TBC1D5: variants seen among roughly 807,000 people sequenced by gnomAD.
TBC1D5 encodes the protein TBC1 domain family member 5.
In TBC1D5, 75 loss-of-function variants were observed where a neutral mutation model predicts 100.3. That is an observed-to-expected ratio of 0.75 (90% CI 0.62 to 0.91). The LOEUF (loss-of-function observed/expected upper bound fraction) is 0.91. Among genes scored for constraint, TBC1D5 ranks in the 40% least tolerant of loss-of-function variants. TBC1D5 has a pLI of 0.00. For missense variants in TBC1D5, 910 were observed against 942.4 expected (o/e 0.97, Z 0.45); for synonymous variants, 323 against 325.6 (o/e 0.99, Z 0.09).
At chr3:17,552,235 T>A (rs192035463) in intron 2 of TBC1D5, among the ~76,000 whole-genome samples, 2 of 151,410 alleles carry the variant, frequency 1.3e-5, no homozygotes, top group East Asian at 1.9e-4. Context: ...ATCAAAGAAG[T>A]AAGCTTTATA....
At chr3:17,545,682 T>C (rs2096407887) in intron 2 of TBC1D5, among the ~76,000 whole-genome samples, 1 of 152,158 alleles carries the variant, frequency 6.6e-6, no homozygotes. Context: ...CAATGTTCAT[T>C]GACACAACAT....
intron 8 of TBC1D5, among the ~76,000 whole-genome samples, chr3:17,385,180 C>G (rs2093101447): frequency 6.6e-6 from 1 of 151,894 alleles, no homozygotes; most frequent in Non-Finnish European, 1.5e-5. Context: ...TGTAAGAGCA[C>G]CAAGAACGGT....
At chr3:17,393,598 A>G (rs146001478) in intron 8 of TBC1D5, among the ~76,000 whole-genome samples, 1,603 of 152,262 alleles carry the variant, frequency 0.011, 54 homozygotes, top group Admixed American at 0.072. Flanking sequence ...AGTAACCAAA[A>G]CAGCATGGTA....
chr3:17,324,433 G>A (rs1007568385), intron 13 of TBC1D5, among the ~76,000 whole-genome samples: 8 of 152,170 alleles, frequency 5.3e-5, no homozygotes, highest in Admixed American at 3.3e-4. Context: ...CTTGAGGTCA[G>A]GAGTTCAAAA....
chr3:17,377,572 C>T (rs1295503391), intron 9 of TBC1D5, among the ~76,000 whole-genome samples: 1 of 151,876 alleles, frequency 6.6e-6, no homozygotes, highest in African/African-American at 2.4e-5. Context: ...GACAAAACAC[C>T]ACTTTTAGAG....
chr3:17,723,693 C>G (rs1460970719), intron 1 of TBC1D5, among the ~76,000 whole-genome samples: 6 of 152,098 alleles, frequency 3.9e-5, no homozygotes, highest in Non-Finnish European at 2.9e-5. Flanking sequence ...AGATGAACCA[C>G]ACAGCCTACA....
intron 14 of TBC1D5, among the ~76,000 whole-genome samples, chr3:17,307,735 A>G (rs1047566561): frequency 6.6e-6 from 1 of 152,190 alleles, no homozygotes; most frequent in Non-Finnish European, 1.5e-5. Flanking sequence ...AAGCAGGAGT[A>G]AAGTCTTTAG....
At chr3:17,372,245 C>A (rs2092502075) in exon 13 of TBC1D5, 1 of 1,599,722 alleles carries the variant, frequency 6.3e-7, no homozygotes, top group Admixed American at 1.7e-5. Flanking sequence ...GTGTTTCTTT[C>A]CCCTAAAAAC....
chr3:17,253,198 T>C (rs938863324), intron 16 of TBC1D5, among the ~76,000 whole-genome samples: 2 of 152,352 alleles, frequency 1.3e-5, no homozygotes, highest in Non-Finnish European at 1.5e-5. Flanking sequence ...GTTTTATTGC[T>C]AAATTACATT....
At chr3:17,262,825 CCTT>C (rs1321854820) in intron 15 of TBC1D5, among the ~76,000 whole-genome samples, 2 of 151,896 alleles carry the variant, frequency 1.3e-5, no homozygotes, top group Non-Finnish European at 1.5e-5. Context: ...GGTGAATTTT[CCTT>C]TCGAAGAAAG....
At chr3:17,314,507 T>C (rs763629119) in intron 13 of TBC1D5, among the ~76,000 whole-genome samples, 3 of 152,176 alleles carry the variant, frequency 2.0e-5, no homozygotes, top group East Asian at 1.9e-4. Flanking sequence ...TCTAGTTCCC[T>C]GCATGCCCAT....
At chr3:17,731,867 C>A (rs893504618) in intron 1 of TBC1D5, among the ~76,000 whole-genome samples, 1 of 152,090 alleles carries the variant, frequency 6.6e-6, no homozygotes, top group Non-Finnish European at 1.5e-5. Context: ...AAAACACACA[C>A]TTGTAAAGAT....
intron 10 of TBC1D5, among the ~76,000 whole-genome samples, 162 bp from the exon 11 acceptor site, chr3:17,374,841 T>G (rs991742480): frequency 3.0e-4 from 46 of 152,200 alleles, no homozygotes; most frequent in African/African-American, 1.0e-3. Context: ...TGATATGCTT[T>G]CTTTCTATAA....
At chr3:17,719,389 A>G (rs1464809245) in intron 1 of TBC1D5, among the ~76,000 whole-genome samples, 2 of 152,246 alleles carry the variant, frequency 1.3e-5, no homozygotes, top group Non-Finnish European at 2.9e-5. Context: ...ATAAGCAATC[A>G]TAACTAGAAA....
At chr3:17,255,904 C>T (rs1388973112) in intron 16 of TBC1D5, among the ~76,000 whole-genome samples, 2 of 152,064 alleles carry the variant, frequency 1.3e-5, no homozygotes, top group African/African-American at 4.8e-5. Flanking sequence ...GGCGTGGCAG[C>T]GTGCGCCTGT....
At chr3:17,320,571 TG>T (rs2085288025) in intron 13 of TBC1D5, among the ~76,000 whole-genome samples, 1 of 152,230 alleles carries the variant, frequency 6.6e-6, no homozygotes, top group Non-Finnish European at 1.5e-5. Context: ...TTTATTGTAA[TG>T]TCATATTTAC....
chr3:17,614,408 T>C (rs1180993356), intron 2 of TBC1D5, among the ~76,000 whole-genome samples: 1 of 152,216 alleles, frequency 6.6e-6, no homozygotes, highest in African/African-American at 2.4e-5. Flanking sequence ...AAGTAGTTTC[T>C]GCGAATTCTG....
At position 17,632,133 on chromosome 3, in the gene TBC1D5, T is replaced by C. The variant is rs111821559; in HGVS notation, c.-100-8220A>G. 8.9e-3 allele frequency among the ~76,000 whole-genome samples: 1,355 copies of C among 152,228 alleles called. 27 individuals are homozygous for C. Among genetic ancestry groups the C allele is most frequent in the African/African-American group, 0.031 (1,276 of 41,540 alleles). On this transcript the variant is annotated intron_variant, in intron 1 of 21. Transcript: ENST00000253692. ...TGATTCATGGGAGGAAGTCAAAATA[T>C]CAACATTAACAGGAGTTTGGAAAAA...
At chr3:17,362,363 T>C (rs776046618) in intron 13 of TBC1D5, among the ~76,000 whole-genome samples, 12 of 152,076 alleles carry the variant, frequency 7.9e-5, no homozygotes, top group Non-Finnish European at 1.8e-4. Flanking sequence ...AATTTGCAAA[T>C]GCAAATCTCA....
Sources: gnomAD v4.1 joint callset for allele counts (sites outside exome capture counted in the v4.1 genomes callset) on GRCh38, gnomAD v4.1.1 for gene constraint, MANE v1.5 for transcripts, NCBI Gene and HGNC (gene_info 2026-07-23, HGNC 2026-07-21) for gene names.